The following LIMCH1 variants were observed in gnomAD, a reference collection of about 807,000 sequenced individuals.
The protein encoded by LIMCH1 is LIM and calponin homology domains 1.
A neutral mutation model predicts 176.5 loss-of-function variants in LIMCH1; 113 were observed. The observed-to-expected ratio is 0.64, with a 90% CI of 0.55 to 0.75. The LOEUF (loss-of-function observed/expected upper bound fraction) is 0.75, where lower values mean the gene tolerates loss of function less well. Ranked by LOEUF, LIMCH1 falls within the 30% of genes least tolerant of loss-of-function variation. The pLI, the probability that LIMCH1 is intolerant of heterozygous loss-of-function variation, is 0.00. For synonymous variants in LIMCH1, 619 were observed against 645.9 expected (o/e 0.96, Z 0.63); for missense variants, 1,674 against 1,814.9 (o/e 0.92, Z 1.41).
At chr4:41,664,653 G>A (rs1192261153) in intron 20 of LIMCH1, among the ~76,000 whole-genome samples, 5 of 152,072 alleles carry the variant, frequency 3.3e-5, no homozygotes, top group Non-Finnish European at 5.9e-5. Flanking sequence ...AAACTGAAAG[G>A]AAAAATCTGT....
intron 1 of LIMCH1, among the ~76,000 whole-genome samples, chr4:41,593,593 A>C (rs1240437108): frequency 6.6e-6 from 1 of 152,172 alleles, no homozygotes; most frequent in Non-Finnish European, 1.5e-5. Context: ...TTTTGGGAAA[A>C]ATCTCAAACA....
At chr4:41,490,600 G>T (rs564414170) in intron 1 of LIMCH1, among the ~76,000 whole-genome samples, 22 of 152,294 alleles carry the variant, frequency 1.4e-4, no homozygotes, top group African/African-American at 4.8e-4. Flanking sequence ...TTGGGGGTAA[G>T]GTTATAGATT....
intron 1 of LIMCH1, among the ~76,000 whole-genome samples, chr4:41,543,157 T>G (rs73144491): frequency 0.022 from 3,288 of 152,296 alleles, 116 homozygotes; most frequent in African/African-American, 0.074. Flanking sequence ...ATCCAGCACT[T>G]TCTTCCTCAA....
intron 1 of LIMCH1, among the ~76,000 whole-genome samples, chr4:41,420,320 A>C (rs898968922): frequency 5.3e-5 from 8 of 152,182 alleles, no homozygotes; most frequent in Non-Finnish European, 1.2e-4. Flanking sequence ...TAGAACTTAA[A>C]AAGGTTCCCA....
intron 1 of LIMCH1, among the ~76,000 whole-genome samples, chr4:41,445,984 TA>T (rs1561396577): frequency 1.3e-5 from 2 of 152,232 alleles, no homozygotes; most frequent in African/African-American, 2.4e-5. Context: ...TGGAAAGAAC[TA>T]AAAGCTCAAA....
chr4:41,679,002 T>C (rs1713451613), intron 23 of LIMCH1, among the ~76,000 whole-genome samples: 1 of 152,168 alleles, frequency 6.6e-6, no homozygotes, highest in East Asian at 1.9e-4. Flanking sequence ...ATGATTTTGT[T>C]AGAGTTAATA....
chr4:41,454,926 G>A (rs2064352869), intron 1 of LIMCH1, among the ~76,000 whole-genome samples: 1 of 149,692 alleles, frequency 6.7e-6, no homozygotes, highest in Admixed American at 6.7e-5. Flanking sequence ...TTATAGCTGT[G>A]CTTGTATGCG....
At chr4:41,624,347 T>G (rs893413760) in intron 7 of LIMCH1, among the ~76,000 whole-genome samples, 1 of 152,000 alleles carries the variant, frequency 6.6e-6, no homozygotes, top group Non-Finnish European at 1.5e-5. Context: ...ATAGACATTT[T>G]AGAAATCTTT....
intron 20 of LIMCH1, among the ~76,000 whole-genome samples, chr4:41,663,852 T>TAAAAAAAAAAAAAAA (rs34659309): frequency 2.4e-5 from 2 of 82,762 alleles, no homozygotes; most frequent in East Asian, 3.2e-4. Context: ...TCTTCATCTC[T>TAAAAAAAAAAAAAAA]AAAAAAAAAA....
chr4:41,648,949 C>T (rs1260595092), intron 17 of LIMCH1, among the ~76,000 whole-genome samples: 1 of 148,756 alleles, frequency 6.7e-6, no homozygotes, highest in Non-Finnish European at 1.5e-5. Flanking sequence ...GGGGCAACTT[C>T]TGTTTCAGTT....
At chr4:41,369,939 AGTGTGT>A (rs113302113) in intron 1 of LIMCH1, among the ~76,000 whole-genome samples, 1 of 138,214 alleles carries the variant, frequency 7.2e-6, no homozygotes, top group Non-Finnish European at 1.5e-5. Context: ...CAGGAAGCAA[AGTGTGT>A]GTGTGTGTGT....
At chr4:41,530,233 C>T (rs2077112113) in intron 3 of LIMCH1, among the ~76,000 whole-genome samples, 2 of 152,134 alleles carry the variant, frequency 1.3e-5, no homozygotes, top group South Asian at 4.1e-4. Context: ...GGCTGTTAAC[C>T]TGAGTAGTAT....
chr4:41,362,565 C>T (rs2052298020), intron 1 of LIMCH1, among the ~76,000 whole-genome samples: 2 of 152,152 alleles, frequency 1.3e-5, no homozygotes, highest in South Asian at 4.1e-4. Context: ...CTTTACTATT[C>T]TTGAAGGCAA....
intron 2 of LIMCH1, among the ~76,000 whole-genome samples, chr4:41,511,713 T>G (rs1351143536): frequency 1.3e-5 from 2 of 152,220 alleles, no homozygotes; most frequent in Non-Finnish European, 2.9e-5. Flanking sequence ...TTGAAATTAT[T>G]GATATGTTTA....
chr4:41,532,559 T>C (rs1218380832), intron 3 of LIMCH1, among the ~76,000 whole-genome samples: 1 of 152,194 alleles, frequency 6.6e-6, no homozygotes, highest in East Asian at 1.9e-4. Context: ...ACATCGTGAA[T>C]ACAGTGATAA....
intron 1 of LIMCH1, among the ~76,000 whole-genome samples, chr4:41,448,515 T>G (rs2063506585): frequency 6.6e-6 from 1 of 151,662 alleles, no homozygotes. Context: ...TGTCAGTGCG[T>G]AAGGAAGCAC....
intron 1 of LIMCH1, among the ~76,000 whole-genome samples, chr4:41,393,917 T>C (rs891574295): frequency 1.3e-5 from 2 of 152,174 alleles, no homozygotes; most frequent in African/African-American, 2.4e-5. Flanking sequence ...ACCCTTTCAA[T>C]TGAATTATCT....
intron 1 of LIMCH1, among the ~76,000 whole-genome samples, chr4:41,364,926 C>A (rs2052741812): frequency 6.6e-6 from 1 of 151,960 alleles, no homozygotes; most frequent in Non-Finnish European, 1.5e-5. Context: ...TATTGAGTTA[C>A]AAGAGTTTAT....
At chr4:41,525,005 A>G (rs7683275) in intron 3 of LIMCH1, among the ~76,000 whole-genome samples, 54,185 of 152,154 alleles carry the variant, frequency 0.36, 10,900 homozygotes, top group African/African-American at 0.54. Context: ...CTGTTTAAGC[A>G]GAATCCTTGC....
Sources: gnomAD v4.1 joint callset for allele counts (sites outside exome capture counted in the v4.1 genomes callset) on GRCh38, gnomAD v4.1.1 for gene constraint, MANE v1.5 for transcripts, NCBI Gene and HGNC (gene_info 2026-07-23, HGNC 2026-07-21) for gene names.